PTPN5: variants seen among roughly 807,000 people sequenced by gnomAD.
PTPN5 encodes protein tyrosine phosphatase non-receptor type 5, also known as tyrosine-protein phosphatase non-receptor type 5.
A neutral mutation model predicts 73.9 loss-of-function variants in PTPN5; 29 were observed. The ratio of observed to expected loss-of-function variants is 0.39; its 90% CI spans 0.29 to 0.54. PTPN5 has a LOEUF of 0.54. PTPN5 is among the 20% of genes least tolerant of loss of function. The pLI, the probability that PTPN5 is intolerant of heterozygous loss-of-function variation, is 0.65. For synonymous variants in PTPN5, 267 were observed against 304.7 expected, an observed-to-expected ratio of 0.88 and a Z score of 1.29; for missense variants, 652 against 751.4, an observed-to-expected ratio of 0.87 and a Z score of 1.55.
chr11:18,749,216 G>A (rs916792646), intron 3 of PTPN5, among the ~76,000 whole-genome samples: 2 of 152,170 alleles, frequency 1.3e-5, no homozygotes, highest in African/African-American at 4.8e-5. Context: ...GCTTTGCCAC[G>A]CATGAAACCC....
In PTPN5 at chr11:18,739,763, G is replaced by C. The variant is rs532226136; in HGVS notation, c.915+840C>G. ...CTTGCCTTTTCCTGCTCACAGAAGT[G>C]AGGAGTTACCTGTTTGGTGAATTTG... On this transcript the variant is annotated intron_variant, in intron 8 of 14. Transcript: ENST00000358540. Among the ~76,000 whole-genome samples, 6 of 152,346 alleles carry C rather than the reference G, an allele frequency of 3.9e-5. No individual in the cohort carries two copies. The East Asian group carries it at 1.2e-3, about 29-fold the overall frequency.
chr11:18,749,532 G>A (rs1050820137), intron 3 of PTPN5: 9 of 518,280 alleles, frequency 1.7e-5, no homozygotes, highest in South Asian at 5.6e-5. Context: ...TGGGGGCCAC[G>A]GTGCAGATTT....
rs545228046 is a variant in PTPN5, at chr11:18,781,373, G to A, written c.-113-9302C>T. Among the ~76,000 whole-genome samples, 9 of 125,878 alleles carry A rather than the reference G, an allele frequency of 7.1e-5. No individual in the cohort carries two copies. The East Asian group carries it at 1.3e-3, about 18-fold the overall frequency. The allele number at this position is 125,878 out of a possible 152,430, so 82.6% of individuals were successfully genotyped here. ...CTTCCTCTGTCACCCAGGCTGGAGC[G>A]CAGCGGCGCGATCTAGGCTCACTGC... On this transcript the variant is annotated intron_variant, in intron 1 of 14. Coordinates refer to ENST00000358540, the MANE Select transcript of PTPN5 (RefSeq NM_006906.2).
At chr11:18,760,125 T>A (rs1398733339) in intron 3 of PTPN5, among the ~76,000 whole-genome samples, 1 of 152,152 alleles carries the variant, frequency 6.6e-6, no homozygotes, top group Non-Finnish European at 1.5e-5. Context: ...CATGTCTGTC[T>A]TGCTTGTCAC....
At position 18,728,069 on chromosome 11, in the gene PTPN5, G is replaced by A. The variant is rs2134176320; in HGVS notation, c.*865C>T. ...AACACGTGGCTCCAAGATAATACAT[G>A]TTGCCAAAGAGTCATGCATGCCCTC... On this transcript the variant is annotated 3_prime_UTR_variant, in exon 15 of 15. Transcript: ENST00000358540. The surrounding 1 kb of genome is among the most constrained non-coding windows in gnomAD (Gnocchi z 4.1). 1 of 152,766 alleles carries A rather than the reference G, an allele frequency of 6.5e-6. No homozygotes were observed. The highest frequency in any genetic ancestry group is 1.9e-4 in the East Asian group (1 of 5,186). The allele number at this position is 152,766 out of a possible 1,614,324, so 9.5% of individuals were successfully genotyped here. A position where few individuals can be genotyped will look rare whatever the true frequency, so the allele number is the denominator to read the frequency against.
At position 18,729,443 on chromosome 11, in the gene PTPN5, G is replaced by T; in HGVS notation, c.1604+10C>A. 2.9e-6 allele frequency: 4 copies of T among 1,360,518 alleles called. No individual in the cohort carries two copies. Among genetic ancestry groups the T allele is most frequent in the Non-Finnish European group, 3.1e-6 (3 of 953,562 alleles). The allele number at this position is 1,360,518 out of a possible 1,614,324, so 84.3% of individuals were successfully genotyped here. A position where few individuals can be genotyped will look rare whatever the true frequency, so the allele number is the denominator to read the frequency against. On this transcript the variant is annotated intron_variant, in intron 14 of 14. Coordinates refer to ENST00000358540, the MANE Select transcript of PTPN5 (RefSeq NM_006906.2). This position sits in a 1 kb window ranked among gnomAD's most constrained non-coding sequence, Gnocchi z 5.2. The stretch of plus-strand genomic sequence containing the variant: ...CCCTTGTGTGTCCCCACTCCCGCCC[G>T]TGGGCTGACCTGTCCTGACGGAGCT...
In PTPN5 at chr11:18,742,902, C is replaced by T. The variant is rs1849435000; in HGVS notation, c.483+90G>A. On this transcript the variant is annotated intron_variant, in intron 6 of 14. Transcript: ENST00000358540. This position sits in a 1 kb window ranked among gnomAD's most constrained non-coding sequence, Gnocchi z 4.1. ...CCCTCCTTGCCCCACCCAGAATGTC[C>T]AGCCTATAAGTCAGATGGGAGCTGG... 4.4e-6 allele frequency: 4 copies of T among 902,050 alleles called. No individual in the cohort carries two copies. The highest frequency in any genetic ancestry group is 2.6e-5 in the East Asian group (1 of 37,948). 55.9% of individuals were successfully genotyped at this position (902,050 alleles called of 1,614,324 possible).
Position 18,742,098 on chromosome 11 carries a change from C to A in PTPN5, c.725+164G>T, listed in dbSNP as rs1275244094. Among the ~76,000 whole-genome samples the A allele has an allele frequency of 6.6e-6, 1 of 152,156 alleles. No homozygotes were observed. The highest frequency in any genetic ancestry group is 2.4e-5 in the African/African-American group (1 of 41,434). ...ATTTCTCAGCATTCATCTTGGGGCA[C>A]TTTGATCTCTATGAATGACCTGGAT... On this transcript the variant is annotated intron_variant, in intron 7 of 14. Transcript: ENST00000358540. This position sits in a 1 kb window ranked among gnomAD's most constrained non-coding sequence, Gnocchi z 4.1.
Position 18,728,064 on chromosome 11 carries a change from T to C in PTPN5, c.*870A>G, listed in dbSNP as rs138299223. ...ATAAAAACACGTGGCTCCAAGATAA[T>C]ACATGTTGCCAAAGAGTCATGCATG... On this transcript the variant is annotated 3_prime_UTR_variant, in exon 15 of 15. Transcript: ENST00000358540. The surrounding 1 kb of genome is among the most constrained non-coding windows in gnomAD (Gnocchi z 4.1). 4 of 152,712 alleles carry C rather than the reference T, an allele frequency of 2.6e-5. No homozygotes were observed. Among genetic ancestry groups the C allele is most frequent in the Admixed American group, 6.5e-5 (1 of 15,310 alleles). The allele number at this position is 152,712 out of a possible 1,614,324, so 9.5% of individuals were successfully genotyped here. A position where few individuals can be genotyped will look rare whatever the true frequency, so the allele number is the denominator to read the frequency against.
At chr11:18,786,808 C>T (rs7117716) in intron 1 of PTPN5, among the ~76,000 whole-genome samples, 59,512 of 151,920 alleles carry the variant, frequency 0.39, 12,169 homozygotes, top group East Asian at 0.71. Context: ...ATTAGGTGCC[C>T]GAAGCATTTA....
chr11:18,733,208 AC>A lies in PTPN5; in HGVS notation c.1218+26del. The A allele has an allele frequency of 6.2e-7, 1 of 1,603,682 alleles. No individual in the cohort carries two copies. The highest frequency in any genetic ancestry group is 8.5e-7 in the Non-Finnish European group (1 of 1,171,642). On this transcript the variant is annotated intron_variant, in intron 11 of 14. Coordinates refer to ENST00000358540, the MANE Select transcript of PTPN5 (RefSeq NM_006906.2). This position sits in a 1 kb window ranked among gnomAD's most constrained non-coding sequence, Gnocchi z 4.3. Reference sequence around the variant, plus strand: ...TAGTGTAGGGCGCAATGTAGCAGACACTTAGAATGGGGACGGGGGTCCCTAC... The same window carrying A: ...TAGTGTAGGGCGCAATGTAGCAGACATTAGAATGGGGACGGGGGTCCCTAC...
At chr11:18,785,014 T>C (rs1343212884) in intron 1 of PTPN5, among the ~76,000 whole-genome samples, 1 of 151,916 alleles carries the variant, frequency 6.6e-6, no homozygotes, top group Non-Finnish European at 1.5e-5. Flanking sequence ...CCACCATGCC[T>C]GGCTAATTTT....
Position 18,742,551 on chromosome 11 carries a change from C to A in PTPN5, c.484-48G>T. On this transcript the variant is annotated intron_variant, in intron 6 of 14. Transcript: ENST00000358540. This position sits in a 1 kb window ranked among gnomAD's most constrained non-coding sequence, Gnocchi z 4.1. ...CAGATTTCGGACCACGCTGGCTGCC[C>A]CCCGTGTTCCTGGAGTGCCCATGGG... 1.3e-6 allele frequency: 2 copies of A among 1,599,722 alleles called. No homozygotes were observed. The highest frequency in any genetic ancestry group is 2.2e-5 in the South Asian group (2 of 90,246).
At chr11:18,756,158 A>G (rs1483560944) in intron 3 of PTPN5, among the ~76,000 whole-genome samples, 2 of 152,034 alleles carry the variant, frequency 1.3e-5, no homozygotes, top group Non-Finnish European at 1.5e-5. Context: ...ATGGTGTGCA[A>G]TGGGAAATTC....
At chr11:18,762,429 CA>C (rs1018123109) in intron 3 of PTPN5, among the ~76,000 whole-genome samples, 15 of 152,066 alleles carry the variant, frequency 9.9e-5, no homozygotes, top group African/African-American at 3.6e-4. Context: ...CTTTTATGTC[CA>C]AGTTGCAGTA....
chr11:18,732,294 C>T (rs1389774926), intron 12 of PTPN5, among the ~76,000 whole-genome samples: 2 of 152,184 alleles, frequency 1.3e-5, no homozygotes, highest in African/African-American at 4.8e-5. Flanking sequence ...CCAGACAGTC[C>T]TGGCCTTGGG....
chr11:18,781,502 T>C (rs1208128391), intron 1 of PTPN5, among the ~76,000 whole-genome samples: 2 of 151,940 alleles, frequency 1.3e-5, no homozygotes, highest in African/African-American at 2.4e-5. Flanking sequence ...GTATTTTTAG[T>C]AGAGATGGGG....
At chr11:18,792,019 C>T (rs1042280031), upstream of PTPN5, 4 of 152,336 alleles carry the variant, frequency 2.6e-5, no homozygotes, top group African/African-American at 9.6e-5. Context: ...CGCGGAGTCT[C>T]CGCAGTCGTC....
In PTPN5 at chr11:18,732,848, A is replaced by G. The variant is rs1848947051; in HGVS notation, c.1219-146T>C. Reference sequence around the variant, plus strand: ...GGTTCAAATCTCAGCTGCAAACTCTATAAGCTACTTCCGTTTCCTGAGTCT... The same window carrying G: ...GGTTCAAATCTCAGCTGCAAACTCTGTAAGCTACTTCCGTTTCCTGAGTCT... On this transcript the variant is annotated intron_variant, in intron 11 of 14. Transcript: ENST00000358540. 5.9e-6 allele frequency: 4 copies of G among 672,976 alleles called. 1 individual carries two copies. The South Asian group carries it at 7.5e-5, about 13-fold the overall frequency. 41.7% of individuals were successfully genotyped at this position (672,976 alleles called of 1,614,324 possible).
Sources: allele counts gnomAD v4.1 joint callset (sites outside exome capture counted in the v4.1 genomes callset), GRCh38; gene constraint gnomAD v4.1.1; non-coding constraint Gnocchi (gnomAD v3.1); transcripts MANE v1.5; gene names NCBI Gene and HGNC (gene_info 2026-07-23, HGNC 2026-07-21).